The following CEP104 variants were observed in gnomAD, a reference collection of about 807,000 sequenced individuals.
The protein encoded by CEP104 is centrosomal protein of 104 kDa.
CEP104 carries 84 observed loss-of-function variants against 113.3 expected under a neutral mutation model. The ratio of observed to expected loss-of-function variants is 0.74; its 90% CI spans 0.62 to 0.89. The LOEUF (loss-of-function observed/expected upper bound fraction) is 0.89. CEP104 is among the 40% of genes least tolerant of loss of function. The pLI is 0.00. For synonymous variants in CEP104, 378 were observed against 421.7 expected (o/e 0.90, Z 1.27); for missense variants, 1,053 against 1,156.6 (o/e 0.91, Z 1.30).
chr1:3,834,931 C>T lies in CEP104; in HGVS notation c.1479G>A (p.Val493=). 6.3e-7 allele frequency: 1 copy of T among 1,588,020 alleles called. No homozygotes were observed. ...FLVRRAIKDI[V]TSVFQASLKL... is the part of the protein sequence containing the mutation. ...GCCAGCTGAGGGCACTCACGGAGGT[C>T]ACAATGTCCTTTATGGCTCTTCTAA... The change falls in exon 11 of 22, where the codon GTG becomes GTA. Residue 493 remains valine (V), a synonymous_variant. Coordinates refer to ENST00000378230, the MANE Select transcript of CEP104 (RefSeq NM_014704.4).
intron 8 of CEP104, among the ~76,000 whole-genome samples, chr1:3,837,985 C>A (rs1335639800): frequency 6.6e-6 from 1 of 152,220 alleles, no homozygotes. Flanking sequence ...GCACACTAGG[C>A]ATGGTACTGA....
chr1:3,826,778 G>C (rs777500515), intron 15 of CEP104, 34 bp from the exon 16 acceptor site: 1 of 1,603,098 alleles, frequency 6.2e-7, no homozygotes, highest in African/African-American at 1.3e-5. Context: ...CAGGGGCAAA[G>C]GGCTGCAGTG....
chr1:3,854,307 C>T (rs912696045), intron 1 of CEP104, among the ~76,000 whole-genome samples: 1 of 152,076 alleles, frequency 6.6e-6, no homozygotes, highest in African/African-American at 2.4e-5. Context: ...CATCTCCATC[C>T]ATGTCCTAAC....
chr1:3,813,579 G>A lies in CEP104; in HGVS notation c.*1823C>T, dbSNP rs1643828805. 6.7e-6 allele frequency: 1 copy of A among 150,276 alleles called. No individual in the cohort carries two copies. Among genetic ancestry groups the A allele is most frequent in the Admixed American group, 6.6e-5 (1 of 15,170 alleles). 9.3% of individuals were successfully genotyped at this position (150,276 alleles called of 1,614,324 possible). On this transcript the variant is annotated 3_prime_UTR_variant, in exon 22 of 22. Transcript: ENST00000378230. ...TTATAAACACATTTAACCTGGGCGT[G>A]GTGGCTCACGCCTGTAATCCCAGCA...
At chr1:3,817,556 G>A (rs1180274823) in intron 20 of CEP104, among the ~76,000 whole-genome samples, 3 of 152,112 alleles carry the variant, frequency 2.0e-5, no homozygotes, top group East Asian at 1.9e-4. Context: ...AGCTGCTCCC[G>A]GCAGGCCTGG....
chr1:3,839,809 T>C, intron 6 of CEP104, 33 bp from the exon 7 acceptor site: 1 of 1,579,218 alleles, frequency 6.3e-7, no homozygotes, highest in Non-Finnish European at 8.6e-7. Context: ...TTAGAGATAA[T>C]TTCACGCCCT....
intron 18 of CEP104, among the ~76,000 whole-genome samples, chr1:3,824,503 T>C (rs1344480288): frequency 1.3e-5 from 2 of 152,148 alleles, no homozygotes; most frequent in Non-Finnish European, 2.9e-5. Context: ...AATGCTAACA[T>C]TAAAAATGCG....
chr1:3,850,540 C>T (rs747546158), intron 2 of CEP104, among the ~76,000 whole-genome samples: 36 of 152,272 alleles, frequency 2.4e-4, no homozygotes, highest in Non-Finnish European at 3.4e-4. Flanking sequence ...TTAACCGCCC[C>T]GTCAGTGTCT....
intron 10 of CEP104, among the ~76,000 whole-genome samples, 191 bp downstream of exon 10, chr1:3,836,304 C>CAAAAAAAA (rs34181241): frequency 8.7e-6 from 1 of 115,106 alleles, no homozygotes; most frequent in Non-Finnish European, 1.8e-5. Flanking sequence ...GACTCCGTCT[C>CAAAAAAAA]AAAAAAAAAA....
At chr1:3,848,518 C>G in intron 3 of CEP104, 90 bp downstream of exon 3, 1 of 1,052,934 alleles carries the variant, frequency 9.5e-7, no homozygotes, top group South Asian at 1.5e-5. Flanking sequence ...GGTGACACAG[C>G]GAGACTCCAT....
In CEP104 at chr1:3,836,601, T is replaced by C; in HGVS notation, c.1211A>G (p.Asp404Gly). ...AVVEPEMSNA[D>G]ISDARRGGML... is the part of the protein sequence containing the mutation. ...GCCTCCCCTCCGAGCATCGCTGATG[T>C]CTGCATTACTCATTTCCGGCTCCAC... Residue 404 changes from aspartate to glycine, a missense_variant, in exon 10 of 22, where the codon GAC becomes GGC. Asp to Gly is a moderately conservative substitution (Grantham distance 94, BLOSUM62 -1). Transcript: ENST00000378230. The C allele has an allele frequency of 6.2e-7, 1 of 1,613,416 alleles. No homozygotes were observed.
chr1:3,846,547 A>C (rs1644511534), intron 4 of CEP104, among the ~76,000 whole-genome samples: 1 of 152,250 alleles, frequency 6.6e-6, no homozygotes, highest in Non-Finnish European at 1.5e-5. Context: ...TTATTTAAAA[A>C]TCTTTATTAA....
At chr1:3,830,909 G>A in intron 13 of CEP104, 137 bp downstream of exon 13, 1 of 901,656 alleles carries the variant, frequency 1.1e-6, no homozygotes, top group Non-Finnish European at 1.6e-6. Context: ...CCCATTTGTT[G>A]GATGAAACAC....
At chr1:3,843,342 A>G (rs1345682110) in intron 6 of CEP104, 22 of 520,000 alleles carry the variant, frequency 4.2e-5, no homozygotes, top group Non-Finnish European at 6.7e-5. Flanking sequence ...AAAAAAAAAG[A>G]GGAAGCGGCA....
At chr1:3,842,787 AT>A (rs887295915) in intron 6 of CEP104, among the ~76,000 whole-genome samples, 3 of 152,106 alleles carry the variant, frequency 2.0e-5, no homozygotes, top group South Asian at 4.2e-4. Flanking sequence ...TTTATTTAAA[AT>A]TTTTTTTGTG....
chr1:3,848,840 C>T (rs772521466), intron 2 of CEP104, 59 bp from the exon 3 acceptor site: 20 of 1,414,494 alleles, frequency 1.4e-5, no homozygotes, highest in Non-Finnish European at 1.3e-5. Flanking sequence ...TTTCTAGATG[C>T]TAGCATCTCA....
At chr1:3,815,638 C>T (rs377633437) in intron 21 of CEP104, 121 bp from the exon 22 acceptor site, 78 of 656,458 alleles carry the variant, frequency 1.2e-4, no homozygotes, top group South Asian at 6.4e-4. Context: ...GGCCGTCACC[C>T]GACTACAGGA....
rs140847871 is a variant in CEP104, at chr1:3,826,360, C to T, written c.2255+10G>A. The T allele has an allele frequency of 2.4e-4, 395 of 1,612,934 alleles. 1 individual carries two copies. The African/African-American group carries it at 3.8e-3, about 15-fold the overall frequency. The stretch of plus-strand genomic sequence containing the variant: ...CCATCGTACAATGGGTGGAAGACAG[C>T]GCGACTTACTTATCTAGATAGTGCT... On this transcript the variant is annotated intron_variant, in intron 17 of 21. Coordinates refer to ENST00000378230, the MANE Select transcript of CEP104 (RefSeq NM_014704.4).
chr1:3,823,533 G>A lies in CEP104; in HGVS notation c.2394C>T (p.His798=), dbSNP rs777976286. Residue 798 remains histidine, a synonymous_variant, in exon 19 of 22, where the codon CAC becomes CAT. Coordinates refer to ENST00000378230, the MANE Select transcript of CEP104 (RefSeq NM_014704.4). The surrounding 1 kb of genome is among the most constrained non-coding windows in gnomAD (Gnocchi z 4.1). ...CTTTTTTGTCACATTCCGTCAGCAA[G>A]TGCTCCGTCAGACTGGATATCTCGA... The part of the protein sequence containing the change: ...QVVEISSLTE[H]LLTECDKKDG... 9.9e-6 allele frequency: 16 copies of A among 1,614,136 alleles called. No homozygotes were observed. The South Asian group carries it at 1.8e-4, about 18-fold the overall frequency.
Sources: gnomAD v4.1 joint callset for allele counts (sites outside exome capture counted in the v4.1 genomes callset) on GRCh38, gnomAD v4.1.1 for gene constraint, Gnocchi (gnomAD v3.1) non-coding constraint, MANE v1.5 for transcripts, NCBI Gene and HGNC (gene_info 2026-07-23, HGNC 2026-07-21) for gene names.